The following ALK variants were observed in gnomAD, a reference collection of about 807,000 sequenced individuals.
The protein encoded by ALK is ALK tyrosine kinase receptor.
ALK carries 74 observed loss-of-function variants against 163.1 expected under a neutral mutation model. The observed-to-expected ratio is 0.45, with a 90% CI of 0.38 to 0.55. ALK has a LOEUF of 0.55. Ranked by LOEUF, ALK falls within the 20% of genes least tolerant of loss-of-function variation. The pLI is 0.00. For synonymous variants in ALK, 960 were observed against 843.2 expected (o/e 1.14, Z -2.40); for missense variants, 2,063 against 2,105.3 (o/e 0.98, Z 0.39).
intron 3 of ALK, among the ~76,000 whole-genome samples, chr2:29,648,048 G>A (rs182761308): frequency 2.0e-5 from 3 of 152,230 alleles, no homozygotes; most frequent in Non-Finnish European, 4.4e-5. Context: ...GAATAAAGCT[G>A]CAGCTCCTTT....
chr2:29,400,782 CT>C (rs1573320528), intron 4 of ALK, among the ~76,000 whole-genome samples: 1 of 152,156 alleles, frequency 6.6e-6, no homozygotes, highest in East Asian at 1.9e-4. Flanking sequence ...CGAGACCAGC[CT>C]GACCAACATG....
At chr2:29,690,640 A>G (rs1182030841) in intron 3 of ALK, among the ~76,000 whole-genome samples, 2 of 152,180 alleles carry the variant, frequency 1.3e-5, no homozygotes, top group Non-Finnish European at 1.5e-5. Flanking sequence ...AGTAATTTAT[A>G]ATATTATGTT....
chr2:29,240,070 G>A (rs527733354), intron 12 of ALK, among the ~76,000 whole-genome samples: 7 of 151,980 alleles, frequency 4.6e-5, no homozygotes, highest in African/African-American at 1.7e-4. Flanking sequence ...CTAGTAAAGG[G>A]TGCAAGAGAG....
chr2:29,565,221 G>A (rs1247430565), intron 3 of ALK, among the ~76,000 whole-genome samples: 1 of 152,170 alleles, frequency 6.6e-6, no homozygotes, highest in African/African-American at 2.4e-5. Context: ...AAAGATTACT[G>A]TGCCAATTTT....
chr2:29,781,001 C>T (rs1193202941), intron 1 of ALK, among the ~76,000 whole-genome samples: 1 of 152,222 alleles, frequency 6.6e-6, no homozygotes, highest in Non-Finnish European at 1.5e-5. Flanking sequence ...CCCTGGGCTT[C>T]ACTCTCCCCT....
chr2:29,704,768 G>T (rs1298594887), intron 2 of ALK, among the ~76,000 whole-genome samples: 1 of 152,082 alleles, frequency 6.6e-6, no homozygotes. Flanking sequence ...GTGAGAACAG[G>T]GTGGGGGAAA....
At chr2:29,395,439 C>T (rs1401132017) in intron 4 of ALK, among the ~76,000 whole-genome samples, 1 of 152,174 alleles carries the variant, frequency 6.6e-6, no homozygotes, top group Non-Finnish European at 1.5e-5. Context: ...CCACACCTTG[C>T]TATGCCCTGC....
intron 1 of ALK, among the ~76,000 whole-genome samples, chr2:29,763,288 T>C (rs888478730): frequency 6.6e-6 from 1 of 152,134 alleles, no homozygotes; most frequent in Non-Finnish European, 1.5e-5. Flanking sequence ...GGTATCAGTA[T>C]AGAATGAGGC....
intron 3 of ALK, among the ~76,000 whole-genome samples, chr2:29,670,407 T>C (rs1381605944): frequency 1.3e-5 from 2 of 152,060 alleles, no homozygotes; most frequent in Non-Finnish European, 2.9e-5. Context: ...AGTTCCTTTA[T>C]ATGTTATTTC....
At chr2:29,265,911 G>T (rs1665209481) in intron 11 of ALK, among the ~76,000 whole-genome samples, 1 of 152,172 alleles carries the variant, frequency 6.6e-6, no homozygotes, top group African/African-American at 2.4e-5. Context: ...CTTGAACCCA[G>T]GAGGTGGAGG....
chr2:29,395,541 G>A (rs1324542887), intron 4 of ALK, among the ~76,000 whole-genome samples: 4 of 152,132 alleles, frequency 2.6e-5, no homozygotes, highest in African/African-American at 9.7e-5. Flanking sequence ...GAAGGACATT[G>A]GAGGGTCTTC....
At chr2:29,629,169 T>A (rs1376800739) in intron 3 of ALK, among the ~76,000 whole-genome samples, 1 of 152,196 alleles carries the variant, frequency 6.6e-6, no homozygotes, top group Non-Finnish European at 1.5e-5. Context: ...CTCACACATG[T>A]AAGCACATCT....
At chr2:29,712,644 T>C (rs1358434187) in intron 2 of ALK, among the ~76,000 whole-genome samples, 1 of 152,080 alleles carries the variant, frequency 6.6e-6, no homozygotes, top group Non-Finnish European at 1.5e-5. Context: ...GAGAGATATT[T>C]AATTTACCTA....
intron 25 of ALK, among the ~76,000 whole-genome samples, chr2:29,207,786 G>C (rs184021409): frequency 1.3e-4 from 20 of 152,310 alleles, no homozygotes; most frequent in African/African-American, 4.8e-4. Context: ...GACACACCCA[G>C]ACAAAAGAAC....
intron 4 of ALK, among the ~76,000 whole-genome samples, chr2:29,491,961 G>T (rs1671913712): frequency 6.6e-6 from 1 of 152,138 alleles, no homozygotes; most frequent in Non-Finnish European, 1.5e-5. Flanking sequence ...TTGGATGGCT[G>T]AAAATTCATT....
intron 2 of ALK, among the ~76,000 whole-genome samples, chr2:29,696,430 T>C (rs530823070): frequency 1.3e-5 from 2 of 149,210 alleles, no homozygotes; most frequent in Non-Finnish European, 1.5e-5. Context: ...AAATACATAA[T>C]GTAGATGAAG....
rs116165446 is a variant in ALK, at chr2:29,597,452, G to A, written c.953-65336C>T. Among the ~76,000 whole-genome samples the A allele has an allele frequency of 2.9e-3, 434 of 152,256 alleles. 1 individual carries two copies. The highest frequency in any genetic ancestry group is 1.0e-2 in the African/African-American group (415 of 41,542). ...GTGCCGAGTTGTTCCATTTGCCATG[G>A]AGTCCTCAGAAATTCCTCCACAAAG... On this transcript the variant is annotated intron_variant, in intron 3 of 28. Coordinates refer to ENST00000389048, the MANE Select transcript of ALK (RefSeq NM_004304.5).
intron 4 of ALK, among the ~76,000 whole-genome samples, chr2:29,491,716 C>T (rs546556721): frequency 3.3e-5 from 5 of 152,134 alleles, no homozygotes; most frequent in Non-Finnish European, 1.5e-5. Context: ...TTTCACTTAA[C>T]GTGTGTCCTT....
chr2:29,597,537 CT>C (rs1167792868), intron 3 of ALK, among the ~76,000 whole-genome samples: 1 of 152,118 alleles, frequency 6.6e-6, no homozygotes, highest in Admixed American at 6.5e-5. Flanking sequence ...GTATTAATTC[CT>C]AACAGGAAAG....
Sources: allele counts gnomAD v4.1 joint callset (sites outside exome capture counted in the v4.1 genomes callset), GRCh38; gene constraint gnomAD v4.1.1; transcripts MANE v1.5; gene names NCBI Gene and HGNC (gene_info 2026-07-23, HGNC 2026-07-21).